Variants in BLOC1S3 observed in about 807,000 individuals in gnomAD.
The protein encoded by BLOC1S3 is biogenesis of lysosomal organelles complex 1 subunit 3.
BLOC1S3 carries 7 observed loss-of-function variants against 9.1 expected under a neutral mutation model. The observed-to-expected ratio is 0.77, with a 90% CI of 0.44 to 1.45. The LOEUF (loss-of-function observed/expected upper bound fraction) is 1.45. Ranked by LOEUF, BLOC1S3 falls within the 40% of genes most tolerant of loss-of-function variation. The pLI, the probability that BLOC1S3 is intolerant of heterozygous loss-of-function variation, is 0.01. For missense variants in BLOC1S3, 307 were observed against 315.2 expected (o/e 0.97, Z 0.20); for synonymous variants, 145 against 158.4 (o/e 0.92, Z 0.64).
chr19:45,213,841 C>T (rs1327394644), intron 3 of BLOC1S3, among the ~76,000 whole-genome samples: 1 of 151,660 alleles, frequency 6.6e-6, no homozygotes, highest in East Asian at 1.9e-4. Flanking sequence ...GTAATCCTAG[C>T]TACTCAGGAG....
intron 2 of BLOC1S3, among the ~76,000 whole-genome samples, chr19:45,193,443 C>T (rs1969622645): frequency 6.6e-6 from 1 of 152,016 alleles, no homozygotes; most frequent in African/African-American, 2.4e-5. Flanking sequence ...TCTATGGTTT[C>T]CTTTAGCTCA....
At chr19:45,213,236 G>T in intron 3 of BLOC1S3, 1 of 1,613,066 alleles carries the variant, frequency 6.2e-7, no homozygotes, top group Non-Finnish European at 8.5e-7. Flanking sequence ...GCACGGTCCC[G>T]AGGGGGTGAC....
chr19:45,216,114 C>G, intron 3 of BLOC1S3: 1 of 1,614,050 alleles, frequency 6.2e-7, no homozygotes, highest in Non-Finnish European at 8.5e-7. Context: ...CCACCTCCAC[C>G]TGGATGCTGG....
chr19:45,204,365 G>A (rs975403930), intron 3 of BLOC1S3, among the ~76,000 whole-genome samples: 1 of 151,500 alleles, frequency 6.6e-6, no homozygotes. Flanking sequence ...TAATTTTTTT[G>A]TATTTTCAGT....
At chr19:45,209,700 C>T (rs1341993971) in intron 3 of BLOC1S3, among the ~76,000 whole-genome samples, 2 of 151,478 alleles carry the variant, frequency 1.3e-5, no homozygotes, top group East Asian at 2.0e-4. Context: ...GGATTACAGG[C>T]GTGAGCCACC....
chr19:45,215,740 C>A (rs1379705934), intron 3 of BLOC1S3, among the ~76,000 whole-genome samples: 1 of 152,216 alleles, frequency 6.6e-6, no homozygotes, highest in South Asian at 2.1e-4. Context: ...AGTGCGTGTG[C>A]GCCCGTGTGC....
At chr19:45,205,778 C>A (rs598183) in intron 3 of BLOC1S3, among the ~76,000 whole-genome samples, 1 of 151,784 alleles carries the variant, frequency 6.6e-6, no homozygotes, top group Non-Finnish European at 1.5e-5. Flanking sequence ...TTTTAAGAAC[C>A]CTTAAAAGTC....
Position 45,194,897 on chromosome 19 carries a change from A to C in BLOC1S3, n.180+7157A>C, listed in dbSNP as rs1969635262. ...GTGGAAATTAAAGATTTGTGTTCACACTAAAAATTTGTGAACTCTGGTATG... is the reference window on the plus strand; with the variant it reads ...GTGGAAATTAAAGATTTGTGTTCACCCTAAAAATTTGTGAACTCTGGTATG... On this transcript the variant is annotated intron_variant and non_coding_transcript_variant, in intron 2 of 3. Transcript: ENST00000591569. 5.3e-5 allele frequency among the ~76,000 whole-genome samples: 8 copies of C among 151,538 alleles called. No homozygotes were observed. The South Asian group carries it at 1.7e-3, about 32-fold the overall frequency.
At chr19:45,207,489 G>A (rs114000825) in intron 3 of BLOC1S3, among the ~76,000 whole-genome samples, 1,557 of 139,454 alleles carry the variant, frequency 0.011, 33 homozygotes, top group African/African-American at 0.039. Context: ...TTAACTTCTC[G>A]CAGTCTACAT....
At chr19:45,201,123 C>T (rs866420253) in intron 2 of BLOC1S3, among the ~76,000 whole-genome samples, 14 of 150,988 alleles carry the variant, frequency 9.3e-5, no homozygotes, top group Middle Eastern at 3.4e-3. Flanking sequence ...GAATCACTTG[C>T]GCATGGGAGG....
intron 2 of BLOC1S3, among the ~76,000 whole-genome samples, chr19:45,199,675 TTTCTCTTCTCTTCTGTTCTCTTCTG>T (rs901111673): frequency 3.3e-5 from 5 of 151,538 alleles, no homozygotes; most frequent in African/African-American, 1.2e-4. Context: ...TCTCATCTCT[TTTCTCTTCTCTTCTGTTCTCTTCTG>T]TTCTCTTCTC....
chr19:45,183,324 A>T (rs1969540705), downstream of BLOC1S3, among the ~76,000 whole-genome samples: 1 of 151,956 alleles, frequency 6.6e-6, no homozygotes, highest in Non-Finnish European at 1.5e-5. Flanking sequence ...TACTGAAAAT[A>T]TAAAAATTAG....
chr19:45,185,407 C>T (rs771711053), downstream of BLOC1S3, among the ~76,000 whole-genome samples: 6 of 152,242 alleles, frequency 3.9e-5, no homozygotes, highest in South Asian at 1.0e-3. Context: ...TTGAGACGTT[C>T]GGGCACAGCC....
chr19:45,207,107 G>A (rs1969733059), intron 3 of BLOC1S3, among the ~76,000 whole-genome samples: 2 of 151,686 alleles, frequency 1.3e-5, no homozygotes, highest in African/African-American at 4.8e-5. Context: ...AAAGTGCTGG[G>A]ATGACAGGTG....
At chr19:45,213,094 A>G (rs1969793790) in intron 3 of BLOC1S3, 2 of 1,523,302 alleles carry the variant, frequency 1.3e-6, no homozygotes, top group Non-Finnish European at 8.8e-7. Flanking sequence ...AGGTCGCGCT[A>G]GAGACGGAGG....
At chr19:45,213,339 G>A (rs1599758831) in intron 3 of BLOC1S3, 1 of 1,613,478 alleles carries the variant, frequency 6.2e-7, no homozygotes, top group South Asian at 1.1e-5. Context: ...TGTCGAGGAG[G>A]GCTGCCACGT....
downstream of BLOC1S3, among the ~76,000 whole-genome samples, chr19:45,183,616 TTCTTTTC>T (rs1969543508): frequency 6.9e-6 from 1 of 144,838 alleles, no homozygotes; most frequent in African/African-American, 2.7e-5. Context: ...TCTTTTTCTT[TTCTTTTC>T]TTTTTTTTTT....
chr19:45,187,094 G>C (rs952629077), upstream of BLOC1S3, among the ~76,000 whole-genome samples: 6 of 152,164 alleles, frequency 3.9e-5, no homozygotes, highest in African/African-American at 1.4e-4. Flanking sequence ...AGGCAAAGGA[G>C]ATGGGTGGAG....
chr19:45,202,054 T>C (rs1403655402), intron 2 of BLOC1S3, among the ~76,000 whole-genome samples: 1 of 151,534 alleles, frequency 6.6e-6, no homozygotes, highest in African/African-American at 2.4e-5. Context: ...AAACCCCGTC[T>C]CTACTAAAAA....
Sources: allele counts gnomAD v4.1 joint callset (sites outside exome capture counted in the v4.1 genomes callset), GRCh38; gene constraint gnomAD v4.1.1; transcripts MANE v1.5; gene names NCBI Gene and HGNC (gene_info 2026-07-23, HGNC 2026-07-21).